Variants in BMPER observed in about 807,000 individuals in gnomAD.
BMPER encodes BMP binding endothelial regulator.
Under a neutral mutation model 87.3 loss-of-function variants are expected in BMPER, and 45 were observed. The ratio of observed to expected loss-of-function variants is 0.52; its 90% CI spans 0.41 to 0.66. The LOEUF is 0.66. Among genes scored for constraint, BMPER ranks in the 30% least tolerant of loss-of-function variants. BMPER has a pLI of 0.00. For missense variants in BMPER, 784 were observed against 867.5 expected (o/e 0.90, Z 1.21); for synonymous variants, 326 against 316.2 (o/e 1.03, Z -0.33).
chr7:33,911,313 G>A (rs1008129377), intron 2 of BMPER, among the ~76,000 whole-genome samples: 3 of 152,250 alleles, frequency 2.0e-5, no homozygotes, highest in African/African-American at 7.2e-5. Context: ...GCTCAGAGAA[G>A]TAGAGCAAAT....
intron 6 of BMPER, among the ~76,000 whole-genome samples, chr7:34,033,324 G>A (rs182615431): frequency 2.4e-4 from 37 of 152,246 alleles, no homozygotes; most frequent in African/African-American, 8.7e-4. Context: ...TCAGCCACTC[G>A]GAGCTAGCAA....
chr7:34,077,377 G>A (rs1269677362), intron 11 of BMPER, among the ~76,000 whole-genome samples: 1 of 152,102 alleles, frequency 6.6e-6, no homozygotes, highest in Non-Finnish European at 1.5e-5. Context: ...GACCAAGAAA[G>A]GAATAAGAAA....
At chr7:34,050,346 G>A (rs991000170) in intron 7 of BMPER, among the ~76,000 whole-genome samples, 1 of 152,054 alleles carries the variant, frequency 6.6e-6, no homozygotes, top group African/African-American at 2.4e-5. Context: ...CAGTGGTCAC[G>A]AGGGAGTCCA....
At chr7:34,081,954 A>G (rs1270697339) in intron 12 of BMPER, among the ~76,000 whole-genome samples, 1 of 152,222 alleles carries the variant, frequency 6.6e-6, no homozygotes, top group Non-Finnish European at 1.5e-5. Flanking sequence ...ATGCAAAACA[A>G]CAATATCCAC....
chr7:34,097,628 A>G (rs1433666727), intron 13 of BMPER, among the ~76,000 whole-genome samples: 1 of 152,076 alleles, frequency 6.6e-6, no homozygotes, highest in Admixed American at 6.6e-5. Context: ...GGGCTTGAAA[A>G]TTTGCATTTC....
intron 13 of BMPER, among the ~76,000 whole-genome samples, chr7:34,097,257 G>A (rs1473233466): frequency 6.6e-6 from 1 of 152,224 alleles, no homozygotes; most frequent in Admixed American, 6.5e-5. Context: ...CACAGCCATG[G>A]AGGCTAGGGA....
chr7:34,052,748 G>T (rs1472641955), intron 8 of BMPER, among the ~76,000 whole-genome samples: 3 of 152,136 alleles, frequency 2.0e-5, no homozygotes, highest in Non-Finnish European at 4.4e-5. Flanking sequence ...TATCAGCTAT[G>T]AGTCAATAGC....
At chr7:34,065,199 A>ACTCTCTCTCTCTCTCTCT (rs372015069) in intron 11 of BMPER, among the ~76,000 whole-genome samples, 90 of 94,084 alleles carry the variant, frequency 9.6e-4, no homozygotes, top group African/African-American at 1.5e-3. Context: ...ACACATACAC[A>ACTCTCTCTCTCTCTCTCT]CTCACTCTCT....
intron 9 of BMPER, among the ~76,000 whole-genome samples, chr7:34,055,636 T>C (rs1788265942): frequency 6.6e-6 from 1 of 152,212 alleles, no homozygotes; most frequent in Non-Finnish European, 1.5e-5. Context: ...GTCAAGGTGA[T>C]GATCCTTGTC....
intron 6 of BMPER, among the ~76,000 whole-genome samples, chr7:33,995,421 A>G (rs1786378439): frequency 1.3e-5 from 2 of 152,152 alleles, no homozygotes; most frequent in Admixed American, 1.3e-4. Context: ...ACAATAAAAT[A>G]GGACAATGTT....
At chr7:34,067,439 G>C (rs1469621331) in intron 11 of BMPER, 1 of 152,118 alleles carries the variant, frequency 6.6e-6, no homozygotes, top group Non-Finnish European at 1.5e-5. Context: ...CATTTTATGA[G>C]AAATCTCCAC....
chr7:33,929,369 G>A (rs575249425), intron 2 of BMPER, among the ~76,000 whole-genome samples: 12 of 152,272 alleles, frequency 7.9e-5, no homozygotes, highest in African/African-American at 2.9e-4. Flanking sequence ...TGGCAGGTTC[G>A]GGTCCAGGTT....
intron 13 of BMPER, among the ~76,000 whole-genome samples, chr7:34,129,656 G>GAAAGAAAGAAAGAA (rs1562762230): frequency 5.3e-5 from 8 of 150,756 alleles, no homozygotes; most frequent in Non-Finnish European, 8.9e-5. Flanking sequence ...AAGAAAGAAA[G>GAAAGAAAGAAAGAA]AAAGAAAGAA....
At chr7:34,061,405 A>G (rs2127965059) in intron 10 of BMPER, among the ~76,000 whole-genome samples, 1 of 152,310 alleles carries the variant, frequency 6.6e-6, no homozygotes, top group East Asian at 1.9e-4. Context: ...AGTGTTTCAA[A>G]ATTCTCAGCT....
intron 6 of BMPER, among the ~76,000 whole-genome samples, chr7:33,996,550 C>G (rs1005595188): frequency 6.6e-6 from 1 of 152,164 alleles, no homozygotes; most frequent in African/African-American, 2.4e-5. Flanking sequence ...TGAATCATTT[C>G]TTTTCTTCAG....
upstream of BMPER, chr7:33,905,506 G>A (rs886062294): frequency 1.4e-5 from 18 of 1,294,006 alleles, no homozygotes; most frequent in Admixed American, 2.3e-5. Context: ...CTTCGCGGAC[G>A]GTCTCCCGAC....
intron 2 of BMPER, among the ~76,000 whole-genome samples, chr7:33,920,645 T>G (rs1038763703): frequency 6.6e-6 from 1 of 151,840 alleles, no homozygotes; most frequent in Admixed American, 6.6e-5. Flanking sequence ...AGGCTGGTCT[T>G]GAACTCCTGA....
Position 34,098,499 on chromosome 7 carries a change from T to A in BMPER, c.1745+12407T>A, listed in dbSNP as rs907061287. Among the ~76,000 whole-genome samples, 5 of 152,258 alleles carry A rather than the reference T, an allele frequency of 3.3e-5. No homozygotes were observed. In the East Asian group the frequency reaches 7.7e-4, roughly 23 times the overall value. ...AAATGGGGAAATCTGGTGACGATAC[T>A]GGAATTAATAATTCTTTTAACATGA... On this transcript the variant is annotated intron_variant, in intron 13 of 14. Coordinates refer to ENST00000649409, the MANE Select transcript of BMPER (RefSeq NM_001365308.1).
chr7:33,998,393 C>G (rs1708196488), intron 6 of BMPER, among the ~76,000 whole-genome samples: 1 of 152,190 alleles, frequency 6.6e-6, no homozygotes, highest in Admixed American at 6.5e-5. Flanking sequence ...GGAATCTGGT[C>G]ATTGCCCTCA....
Sources: allele counts gnomAD v4.1 joint callset (sites outside exome capture counted in the v4.1 genomes callset), GRCh38; gene constraint gnomAD v4.1.1; transcripts MANE v1.5; gene names NCBI Gene and HGNC (gene_info 2026-07-23, HGNC 2026-07-21).